Variants in TNFAIP2 observed in about 807,000 individuals in gnomAD.
TNFAIP2 encodes the protein tumor necrosis factor alpha-induced protein 2.
In TNFAIP2, 47 loss-of-function variants were observed where a neutral mutation model predicts 63.5. The ratio of observed to expected loss-of-function variants is 0.74; its 90% CI spans 0.59 to 0.94. The LOEUF (loss-of-function observed/expected upper bound fraction) is 0.94, where lower values mean the gene tolerates loss of function less well. Ranked by LOEUF, TNFAIP2 falls within the 40% of genes least tolerant of loss-of-function variation. TNFAIP2 has a pLI of 0.00. For missense variants in TNFAIP2, 787 were observed against 850.2 expected, an observed-to-expected ratio of 0.93 and a Z score of 0.92; for synonymous variants, 405 against 390.2, an observed-to-expected ratio of 1.04 and a Z score of -0.45.
Position 103,131,562 on chromosome 14 carries a change from GGGGGCTGTCTGGCTCCCTGGGTAT to G in TNFAIP2, c.1299-70_1299-47del. ...CATTGAGGGTTCTAGAGTGAAGAGA[GGGGGCTGTCTGGCTCCCTGGGTAT>G]GGGGCTATAGGCTGAGCAGGGCTGG... On this transcript the variant is annotated intron_variant, in intron 7 of 11. Transcript: ENST00000560869. The surrounding 1 kb of genome is among the most constrained non-coding windows in gnomAD (Gnocchi z 4.0). The G allele has an allele frequency of 6.7e-7, 1 of 1,489,352 alleles. No homozygotes were observed. Among genetic ancestry groups the G allele is most frequent in the Admixed American group, 2.2e-5 (1 of 46,266 alleles). The allele number at this position is 1,489,352 out of a possible 1,614,324, so 92.3% of individuals were successfully genotyped here.
chr14:103,135,314 C>T lies in TNFAIP2; in HGVS notation c.1919C>T (p.Ala640Val), dbSNP rs202066956. 461 of 1,613,672 alleles carry T rather than the reference C, an allele frequency of 2.9e-4. 4 individuals are homozygous for T. In the East Asian group the frequency reaches 8.9e-3, roughly 31 times the overall value. Residue 640 changes from alanine (A) to valine (V), a missense_variant, in exon 12 of 12, where the codon GCG (alanine) becomes GTG (valine). Physicochemically the swap from Ala to Val is moderately conservative, Grantham distance 64. Coordinates refer to ENST00000560869, the MANE Select transcript of TNFAIP2 (RefSeq NM_006291.4). This position sits in a 1 kb window ranked among gnomAD's most constrained non-coding sequence, Gnocchi z 7.6. ...AGCATCTTGGACGTCAGCATGGGGG[C>T]GCAGGAGCCCTCCCGGCCCCTATTT... ...IRSILDVSMGAQEPSRPLFSL... is the reference protein window; with the variant it reads ...IRSILDVSMGVQEPSRPLFSL...
intron 9 of TNFAIP2, 69 bp downstream of exon 9, chr14:103,132,941 C>T (rs192445536): frequency 1.5e-5 from 24 of 1,593,620 alleles, no homozygotes; most frequent in African/African-American, 6.7e-5. Context: ...CACACTAGCA[C>T]GTCTGTGTAC....
At chr14:103,132,141 A>T (rs2087990297) in intron 8 of TNFAIP2, among the ~76,000 whole-genome samples, 1 of 152,010 alleles carries the variant, frequency 6.6e-6, no homozygotes, top group Non-Finnish European at 1.5e-5. Context: ...CCTTTCCTTC[A>T]ATCCCCTCAG....
At chr14:103,121,885 G>GGGGGGA (rs1891117339), upstream of TNFAIP2, among the ~76,000 whole-genome samples, 1 of 144,632 alleles carries the variant, frequency 6.9e-6, no homozygotes, top group Admixed American at 6.9e-5. Flanking sequence ...GGGAGGGGGG[G>GGGGGGA]TGAGGGGGTG....
intron 10 of TNFAIP2, 60 bp from the exon 11 acceptor site, chr14:103,133,622 C>A: frequency 6.4e-7 from 1 of 1,554,578 alleles, no homozygotes; most frequent in East Asian, 2.3e-5. Flanking sequence ...CTAAGCCCAA[C>A]GAGTCGCTGA....
At position 103,133,578 on chromosome 14, in the gene TNFAIP2, C is replaced by G. The variant is rs2088035282; in HGVS notation, c.1701+61C>G. ...AATGGCTGCCTCTTCTCCCCTAGCC[C>G]TTTCAGGGTCGGAGATAGGCCGCTG... On this transcript the variant is annotated intron_variant, in intron 10 of 11. Transcript: ENST00000560869. The G allele has an allele frequency of 1.9e-5, 31 of 1,592,016 alleles. No homozygotes were observed. In the South Asian group the frequency reaches 3.4e-4, roughly 18 times the overall value.
chr14:103,126,758 G>C, intron 2 of TNFAIP2, 66 bp downstream of exon 2: 1 of 1,476,728 alleles, frequency 6.8e-7, no homozygotes, highest in African/African-American at 1.4e-5. Context: ...ATCCGCGTGA[G>C]TGAGCCACTT....
intron 1 of TNFAIP2, among the ~76,000 whole-genome samples, chr14:103,124,674 G>T (rs899284916): frequency 4.6e-5 from 7 of 152,238 alleles, no homozygotes; most frequent in African/African-American, 1.2e-4. Flanking sequence ...ACCAGCTCCC[G>T]CGGGTGCTAG....
Position 103,131,200 on chromosome 14 carries a change from GGA to G in TNFAIP2, c.1298+54_1298+55del. 6.3e-7 allele frequency: 1 copy of G among 1,595,768 alleles called. No individual in the cohort carries two copies. The highest frequency in any genetic ancestry group is 1.1e-5 in the South Asian group (1 of 90,734). ...GGGAGTGGGAGTCACTCAGCGGGCA[GGA>G]GAGGGGAGCTGGAAGGTGGAGGGAG... On this transcript the variant is annotated intron_variant, in intron 7 of 11. Coordinates refer to ENST00000560869, the MANE Select transcript of TNFAIP2 (RefSeq NM_006291.4). This position sits in a 1 kb window ranked among gnomAD's most constrained non-coding sequence, Gnocchi z 4.0.
rs557253435 is a variant in TNFAIP2 at position 103,125,930 on chromosome 14, C to T, written c.-148-380C>T. Among the ~76,000 whole-genome samples, 680 of 152,276 alleles carry T rather than the reference C, an allele frequency of 4.5e-3. 3 individuals carry two copies. The highest frequency in any genetic ancestry group is 8.3e-3 in the Non-Finnish European group (565 of 68,020). ...GTCCAAAGGGACAGAGCCCATGCCC[C>T]GCCTCTTCCCTAGGGTCCCGTGGGA... On this transcript the variant is annotated intron_variant, in intron 1 of 11. Transcript: ENST00000560869.
rs577450827 is a variant in TNFAIP2 at position 103,136,189 on chromosome 14, G to A, written c.*829G>A. ...GAAGTCTGGCTGAGGTCTGGGCAGG[G>A]GCAGGGCAAGCTTGACCTCTCACTG... On this transcript the variant is annotated 3_prime_UTR_variant, in exon 12 of 12. Coordinates refer to ENST00000560869, the MANE Select transcript of TNFAIP2 (RefSeq NM_006291.4). 8.5e-5 allele frequency: 35 copies of A among 412,060 alleles called. No homozygotes were observed. Among genetic ancestry groups the A allele is most frequent in the African/African-American group, 5.7e-4 (27 of 47,770 alleles). The allele number at this position is 412,060 out of a possible 1,614,324, so 25.5% of individuals were successfully genotyped here.
Position 103,133,775 on chromosome 14 carries a change from A to G in TNFAIP2, c.1795A>G (p.Thr599Ala), listed in dbSNP as rs2088040678. 1 of 1,594,274 alleles carries G rather than the reference A, an allele frequency of 6.3e-7. No individual in the cohort carries two copies. The change falls in exon 11 of 12, where the codon ACT becomes GCT. Residue 599 changes from threonine (T) to alanine (A), a missense_variant. Thr to Ala is a moderately conservative substitution (Grantham distance 58). Around this residue, in one of 3 missense-constraint regions of TNFAIP2, gnomAD observed 523 missense variants for 604.1 expected, o/e 0.87. Transcript: ENST00000560869. Reference protein sequence around the residue: ...DPSAIKIEVATYATCYPDFSK... With the variant: ...DPSAIKIEVAAYATCYPDFSK... The stretch of plus-strand genomic sequence containing the variant: ...CAGTGCCATCAAGATTGAGGTGGCC[A>G]CTTATGCCACCTGCTACCCTGACTT...
chr14:103,132,982 G>T, intron 9 of TNFAIP2, 110 bp downstream of exon 9: 4 of 1,498,080 alleles, frequency 2.7e-6, no homozygotes, highest in Non-Finnish European at 3.6e-6. Context: ...ACGCGCACAT[G>T]TGAACACACG....
intron 3 of TNFAIP2, among the ~76,000 whole-genome samples, chr14:103,128,933 C>T (rs1173592226): frequency 6.6e-6 from 1 of 152,206 alleles, no homozygotes; most frequent in Non-Finnish European, 1.5e-5. Context: ...AGGGGGGCAT[C>T]GTTGAAGCCT....
At position 103,127,714 on chromosome 14, in the gene TNFAIP2, C is replaced by T. The variant is rs1325921168; in HGVS notation, c.860+85C>T. ...GTCGAGGGGTGTCGAGGTGTGCCGC[C>T]GGCAGCTTTTAGTGAGGTCGGTGTT... On this transcript the variant is annotated intron_variant, in intron 3 of 11. Coordinates refer to ENST00000560869, the MANE Select transcript of TNFAIP2 (RefSeq NM_006291.4). The surrounding 1 kb of genome is among the most constrained non-coding windows in gnomAD (Gnocchi z 5.1). The T allele has an allele frequency of 2.2e-6, 3 of 1,376,422 alleles. No individual in the cohort carries two copies. The highest frequency in any genetic ancestry group is 1.6e-5 in the African/African-American group (1 of 63,334). 85.3% of individuals were successfully genotyped at this position (1,376,422 alleles called of 1,614,324 possible). A position where few individuals can be genotyped will look rare whatever the true frequency, so the allele number is the denominator to read the frequency against.
upstream of TNFAIP2, chr14:103,122,724 C>T (rs964866321): frequency 4.4e-6 from 2 of 455,926 alleles, no homozygotes; most frequent in East Asian, 7.0e-5. Flanking sequence ...GGGCCCCTCC[C>T]CTTCTGCCTG....
rs1243102382 is a variant in TNFAIP2 at position 103,136,049 on chromosome 14, C to T, written c.*689C>T. The T allele has an allele frequency of 1.6e-6, 2 of 1,253,722 alleles. No homozygotes were observed. The highest frequency in any genetic ancestry group is 2.6e-5 in the South Asian group (2 of 76,508). The allele number at this position is 1,253,722 out of a possible 1,614,324, so 77.7% of individuals were successfully genotyped here. On this transcript the variant is annotated 3_prime_UTR_variant, in exon 12 of 12. Coordinates refer to ENST00000560869, the MANE Select transcript of TNFAIP2 (RefSeq NM_006291.4). ...AAGGCCTCAACTAGAGGGTGGTCCC[C>T]CGAGGGCTTGGTGTCTACTACCGAA...
At chr14:103,125,188 A>G (rs1326207152) in intron 1 of TNFAIP2, among the ~76,000 whole-genome samples, 2 of 152,248 alleles carry the variant, frequency 1.3e-5, no homozygotes, top group Admixed American at 6.5e-5. Flanking sequence ...TGGGGCAGAC[A>G]GGTGGCATCA....
chr14:103,135,944 A>G lies in TNFAIP2; in HGVS notation c.*584A>G. The G allele has an allele frequency of 7.8e-7, 1 of 1,289,710 alleles. No homozygotes were observed. The highest frequency in any genetic ancestry group is 1.0e-6 in the Non-Finnish European group (1 of 989,020). 79.9% of individuals were successfully genotyped at this position (1,289,710 alleles called of 1,614,324 possible). ...GCGAGCTGTGAGCACCGCCAGCATT[A>G]GACGTCACATCCAGGTGGCCCCACG... On this transcript the variant is annotated 3_prime_UTR_variant, in exon 12 of 12. Transcript: ENST00000560869. This position sits in a 1 kb window ranked among gnomAD's most constrained non-coding sequence, Gnocchi z 7.6.
Sources: allele counts gnomAD v4.1 joint callset (sites outside exome capture counted in the v4.1 genomes callset), GRCh38; gene constraint gnomAD v4.1.1; regional missense constraint gnomAD v4.1.1; non-coding constraint Gnocchi (gnomAD v3.1); transcripts MANE v1.5; gene names NCBI Gene and HGNC (gene_info 2026-07-23, HGNC 2026-07-21).